Variants in AUTS2 observed in about 807,000 individuals in gnomAD.
AUTS2 encodes activator of transcription and developmental regulator AUTS2, also known as autism susceptibility gene 2 protein.
AUTS2 carries 17 observed loss-of-function variants against 112.4 expected under a neutral mutation model. The observed-to-expected ratio is 0.15, with a 90% CI of 0.10 to 0.23. The LOEUF (loss-of-function observed/expected upper bound fraction) is 0.23. AUTS2 is among the 10% of genes least tolerant of loss of function. The pLI is 1.00. For synonymous variants in AUTS2, 751 were observed against 702.7 expected (o/e 1.07, Z -1.09); for missense variants, 1,510 against 1,701.6 (o/e 0.89, Z 1.98).
intron 1 of AUTS2, among the ~76,000 whole-genome samples, chr7:69,757,806 C>G (rs1190614409): frequency 1.3e-5 from 2 of 152,142 alleles, no homozygotes; most frequent in East Asian, 3.9e-4. Flanking sequence ...AAACCCAGGA[C>G]AGTGATATTC....
chr7:69,786,092 T>G (rs1357880772), intron 1 of AUTS2, among the ~76,000 whole-genome samples: 1 of 152,186 alleles, frequency 6.6e-6, no homozygotes. Context: ...CCAGCTGGAC[T>G]TCCTGGGTTG....
intron 2 of AUTS2, among the ~76,000 whole-genome samples, chr7:69,939,424 C>T (rs1796539679): frequency 1.3e-5 from 2 of 152,178 alleles, no homozygotes; most frequent in African/African-American, 4.8e-5. Flanking sequence ...CACAACCTCA[C>T]ATTTTTGCCT....
chr7:70,670,289 A>G (rs993850788), intron 5 of AUTS2, among the ~76,000 whole-genome samples: 8 of 152,326 alleles, frequency 5.3e-5, no homozygotes, highest in African/African-American at 1.2e-4. Context: ...TGAAATGATT[A>G]TTGTTATTAC....
chr7:69,850,259 A>G (rs1170404343), intron 1 of AUTS2, among the ~76,000 whole-genome samples: 2 of 151,646 alleles, frequency 1.3e-5, no homozygotes, highest in East Asian at 1.9e-4. Context: ...AGATTGCACC[A>G]GTGTACTCCA....
At chr7:69,668,634 A>G (rs1796177933) in intron 1 of AUTS2, among the ~76,000 whole-genome samples, 1 of 152,186 alleles carries the variant, frequency 6.6e-6, no homozygotes, top group African/African-American at 2.4e-5. Context: ...TGTTGTTAAG[A>G]TTATTTTGTG....
intron 5 of AUTS2, among the ~76,000 whole-genome samples, chr7:70,496,326 ACACG>A (rs1451925264): frequency 4.5e-5 from 6 of 134,212 alleles, no homozygotes; most frequent in Admixed American, 7.4e-5. Context: ...ACAGTCACAC[ACACG>A]CACACCCCAC....
chr7:69,855,948 T>TC (rs1376003322), intron 1 of AUTS2, among the ~76,000 whole-genome samples: 1 of 152,126 alleles, frequency 6.6e-6, no homozygotes, highest in East Asian at 1.9e-4. Context: ...TGGCATGACT[T>TC]CCATTTTTAA....
chr7:70,085,156 G>A (rs1246924014), intron 2 of AUTS2, among the ~76,000 whole-genome samples: 1 of 152,028 alleles, frequency 6.6e-6, no homozygotes, highest in Non-Finnish European at 1.5e-5. Context: ...GTTTCAAATT[G>A]TGGTGAATAT....
At chr7:69,916,773 A>G (rs1207783873) in intron 2 of AUTS2, among the ~76,000 whole-genome samples, 5 of 152,104 alleles carry the variant, frequency 3.3e-5, no homozygotes, top group Non-Finnish European at 7.4e-5. Context: ...AATGTTTTCT[A>G]TCCTTCCTGC....
At chr7:69,917,601 G>T (rs1247098640) in intron 2 of AUTS2, among the ~76,000 whole-genome samples, 1 of 151,972 alleles carries the variant, frequency 6.6e-6, no homozygotes, top group Non-Finnish European at 1.5e-5. Flanking sequence ...TAGTAATGTA[G>T]GTTATAACTA....
chr7:70,267,253 A>C (rs892987043), intron 4 of AUTS2, among the ~76,000 whole-genome samples: 1 of 151,546 alleles, frequency 6.6e-6, no homozygotes, highest in African/African-American at 2.4e-5. Flanking sequence ...CCTCATTACC[A>C]GTCAAAGATA....
intron 1 of AUTS2, among the ~76,000 whole-genome samples, chr7:69,616,428 G>A (rs1583946912): frequency 1.3e-5 from 2 of 152,096 alleles, no homozygotes; most frequent in Admixed American, 6.5e-5. Flanking sequence ...GAGGCTCAGT[G>A]GTAGGTCCTA....
At chr7:69,969,051 AT>A (rs948426605) in intron 2 of AUTS2, among the ~76,000 whole-genome samples, 22 of 151,594 alleles carry the variant, frequency 1.5e-4, no homozygotes, top group Admixed American at 2.6e-4. Flanking sequence ...GTGGTTTGGG[AT>A]TTTTTTTTCT....
chr7:69,886,528 T>C (rs1313528261), intron 1 of AUTS2, among the ~76,000 whole-genome samples: 1 of 152,216 alleles, frequency 6.6e-6, no homozygotes, highest in African/African-American at 2.4e-5. Context: ...TTTATACCAC[T>C]GAATAGCTCT....
intron 1 of AUTS2, among the ~76,000 whole-genome samples, chr7:69,839,268 G>A (rs1201290792): frequency 6.6e-6 from 1 of 151,934 alleles, no homozygotes; most frequent in African/African-American, 2.4e-5. Flanking sequence ...CATCATTCTG[G>A]GCAGTACTTA....
intron 5 of AUTS2, among the ~76,000 whole-genome samples, chr7:70,602,657 G>C (rs1803535439): frequency 1.3e-5 from 2 of 152,202 alleles, no homozygotes; most frequent in South Asian, 2.1e-4. Context: ...TAAATTCTCA[G>C]TTTCTTCCAG....
chr7:70,287,087 GCCTT>G, intron 4 of AUTS2, among the ~76,000 whole-genome samples: 1 of 152,122 alleles, frequency 6.6e-6, no homozygotes, highest in Non-Finnish European at 1.5e-5. Context: ...AATGTTGGTT[GCCTT>G]GATTTCTTCT....
At chr7:69,838,982 T>C (rs980864222) in intron 1 of AUTS2, among the ~76,000 whole-genome samples, 1 of 152,120 alleles carries the variant, frequency 6.6e-6, no homozygotes, top group Admixed American at 6.5e-5. Context: ...CAACAGATAT[T>C]TTTGGTCAGA....
intron 5 of AUTS2, among the ~76,000 whole-genome samples, chr7:70,601,541 G>A (rs1803470461): frequency 6.6e-6 from 1 of 152,208 alleles, no homozygotes; most frequent in Non-Finnish European, 1.5e-5. Context: ...TCGAGGGTTA[G>A]CATGAAGAGA....
Sources: allele counts gnomAD v4.1 joint callset (sites outside exome capture counted in the v4.1 genomes callset), GRCh38; gene constraint gnomAD v4.1.1; transcripts MANE v1.5; gene names NCBI Gene and HGNC (gene_info 2026-07-23, HGNC 2026-07-21).